The following FANCA variants were observed in gnomAD, a reference collection of about 807,000 sequenced individuals.
FANCA encodes FA complementation group A.
In FANCA, 236 loss-of-function variants were observed where a neutral mutation model predicts 194.3. The observed-to-expected ratio is 1.21, with a 90% CI of 1.09 to 1.35. The LOEUF (loss-of-function observed/expected upper bound fraction) is 1.35. Among genes scored for constraint, FANCA ranks in the 40% most tolerant of loss-of-function variants. The probability of loss-of-function intolerance (pLI) is 0.00; values close to 1 mark genes in which losing one functional copy is unlikely to be tolerated. For synonymous variants in FANCA, 1,014 were observed against 715.8 expected, an observed-to-expected ratio of 1.42 and a Z score of -6.65; for missense variants, 2,628 against 1,813.9, an observed-to-expected ratio of 1.45 and a Z score of -8.15.
intron 1 of FANCA, chr16:89,816,206 C>CGGGGACGGCTGGCG (rs1335122748): frequency 1.8e-6 from 1 of 547,892 alleles, no homozygotes; most frequent in African/African-American, 1.9e-5. Flanking sequence ...CAGGGGAGCC[C>CGGGGACGGCTGGCG]GGGGACGGCT....
At chr16:89,792,445 G>A in intron 12 of FANCA, 26 bp downstream of exon 12, 1 of 1,608,150 alleles carries the variant, frequency 6.2e-7, no homozygotes, top group Non-Finnish European at 8.5e-7. Flanking sequence ...GAGCTCAGAA[G>A]CAGGTATAAT....
In FANCA at chr16:89,810,529, T is replaced by A. The variant is rs17225824; in HGVS notation, c.522+178A>T. 16 of 621,476 alleles carry A rather than the reference T, an allele frequency of 2.6e-5. No homozygotes were observed. The African/African-American group carries it at 2.8e-4, about 11-fold the overall frequency. The allele number at this position is 621,476 out of a possible 1,614,324, so 38.5% of individuals were successfully genotyped here. A position where few individuals can be genotyped will look rare whatever the true frequency, so the allele number is the denominator to read the frequency against. On this transcript the variant is annotated intron_variant, in intron 5 of 42. Transcript: ENST00000389301. ...GGTGAATAGGGACAAAAAATGGCAA[T>A]TGAAGGTACTTCTTTCCAATCCACA...
chr16:89,757,100 C>T (rs914091636), intron 30 of FANCA, among the ~76,000 whole-genome samples: 1 of 152,114 alleles, frequency 6.6e-6, no homozygotes, highest in Non-Finnish European at 1.5e-5. Context: ...CTCAGCCTCA[C>T]GAGTAGCTGG....
At chr16:89,809,175 GGA>G (rs1189500608) in intron 5 of FANCA, among the ~76,000 whole-genome samples, 5 of 151,974 alleles carry the variant, frequency 3.3e-5, no homozygotes, top group African/African-American at 1.2e-4. Flanking sequence ...CAAAGTGCTG[GGA>G]TTACAGGTGT....
intron 30 of FANCA, 72 bp downstream of exon 30, chr16:89,758,505 G>A (rs1598091152): frequency 1.8e-5 from 28 of 1,582,812 alleles, no homozygotes; most frequent in Non-Finnish European, 2.2e-5. Flanking sequence ...AGCATGGCCA[G>A]AAACTCCCCT....
chr16:89,808,421 C>G (rs2040748016), intron 5 of FANCA, 54 bp from the exon 6 acceptor site: 1 of 1,567,826 alleles, frequency 6.4e-7, no homozygotes, highest in Non-Finnish European at 8.8e-7. Flanking sequence ...CCCCAGCATT[C>G]TGAGTCCTTT....
chr16:89,757,055 T>C (rs1262358234), intron 30 of FANCA, among the ~76,000 whole-genome samples: 3 of 152,194 alleles, frequency 2.0e-5, no homozygotes, highest in Admixed American at 6.6e-5. Flanking sequence ...CACAGCTCAT[T>C]GCAACCTCTG....
At chr16:89,779,827 C>T in intron 18 of FANCA, 42 bp downstream of exon 18, 3 of 1,553,692 alleles carry the variant, frequency 1.9e-6, no homozygotes, top group Non-Finnish European at 2.7e-6. Flanking sequence ...GCGGTCTGCA[C>T]ACACTGCAGC....
chr16:89,806,782 G>T (rs565720189), intron 6 of FANCA, among the ~76,000 whole-genome samples: 48 of 152,220 alleles, frequency 3.2e-4, no homozygotes, highest in African/African-American at 7.7e-4. Context: ...ATCTGATTTC[G>T]CAATCTTTTC....
rs755153673 is a variant in FANCA, at chr16:89,739,983, G to GT, written c.3934+10dup. The GT allele has an allele frequency of 6.2e-6, 10 of 1,613,732 alleles. No homozygotes were observed. The highest frequency in any genetic ancestry group is 8.5e-6 in the Non-Finnish European group (10 of 1,179,644). ...CCCTCCGCATTTGTGCCTCAGCAGC[G>GT]TGTTTCTTACCACTCTCTGTCAACT... On this transcript the variant is annotated intron_variant, in intron 39 of 42. Coordinates refer to ENST00000389301, the MANE Select transcript of FANCA (RefSeq NM_000135.4).
chr16:89,774,150 G>C (rs2039415814), intron 21 of FANCA, among the ~76,000 whole-genome samples: 2 of 152,130 alleles, frequency 1.3e-5, no homozygotes, highest in African/African-American at 2.4e-5. Flanking sequence ...TGCTGGAGAA[G>C]ACACAAGCAT....
At chr16:89,807,813 G>A (rs1598183152) in intron 6 of FANCA, among the ~76,000 whole-genome samples, 1 of 152,100 alleles carries the variant, frequency 6.6e-6, no homozygotes, top group South Asian at 2.1e-4. Flanking sequence ...AACCCGGGAG[G>A]TGGAGCCTGC....
At chr16:89,756,195 G>A (rs1057502672) in intron 30 of FANCA, among the ~76,000 whole-genome samples, 2 of 152,086 alleles carry the variant, frequency 1.3e-5, no homozygotes, top group African/African-American at 2.4e-5. Flanking sequence ...TTTTCAAATG[G>A]GCTAAGGATG....
rs767506133 is a variant in FANCA, at chr16:89,778,933, G to A, written c.1776+10C>T. 12 of 1,613,912 alleles carry A rather than the reference G, an allele frequency of 7.4e-6. No homozygotes were observed. The highest frequency in any genetic ancestry group is 4.5e-5 in the East Asian group (2 of 44,898). ...CAACTGGTCACAAACTCATGGAGAC[G>A]CATACTGACCACTCGAGGTGTGAGC... On this transcript the variant is annotated intron_variant, in intron 19 of 42. Coordinates refer to ENST00000389301, the MANE Select transcript of FANCA (RefSeq NM_000135.4).
At chr16:89,798,946 C>CGCA in intron 10 of FANCA, 1 of 1,609,892 alleles carries the variant, frequency 6.2e-7, no homozygotes, top group Middle Eastern at 2.0e-4. Context: ...CTGCAGTGGG[C>CGCA]GCACCTTCCG....
Position 89,740,035 on chromosome 16 carries a change from C to T in FANCA, c.3893G>A (p.Arg1298Lys). Reference sequence around the variant, plus strand: ...AAAGAGTGCCAGCCAGGATATCTTCCTCTTCTCTAAACACTCGAGGATTGC... The same window carrying T: ...AAAGAGTGCCAGCCAGGATATCTTCTTCTTCTCTAAACACTCGAGGATTGC... ...CAAILECLEK[R>K]KISWLALFQL... Residue 1298 changes from arginine (R) to lysine (K), a missense_variant, in exon 39 of 43, where the codon AGG becomes AAG. By Grantham distance (26) the Arg-to-Lys change is conservative. Coordinates refer to ENST00000389301, the MANE Select transcript of FANCA (RefSeq NM_000135.4). The T allele has an allele frequency of 1.2e-6, 2 of 1,614,212 alleles. No homozygotes were observed. The highest frequency in any genetic ancestry group is 1.6e-4 in the Middle Eastern group (1 of 6,062).
intron 10 of FANCA, 24 bp downstream of exon 10, chr16:89,799,142 G>A: frequency 1.2e-6 from 2 of 1,614,168 alleles, no homozygotes; most frequent in East Asian, 2.2e-5. Flanking sequence ...TGCACACTCA[G>A]GCAGGCCACC....
intron 8 of FANCA, 118 bp downstream of exon 8, chr16:89,803,141 G>T: frequency 1.0e-6 from 1 of 993,138 alleles, no homozygotes; most frequent in Non-Finnish European, 1.6e-6. Context: ...AGTATCACAT[G>T]TACCCCGTAA....
Position 89,742,823 on chromosome 16 carries a change from T to G in FANCA, c.3742A>C (p.Lys1248Gln). 6.2e-7 allele frequency: 1 copy of G among 1,614,184 alleles called. No individual in the cohort carries two copies. The change falls in exon 37 of 43, where the codon AAG (lysine) becomes CAG (glutamine). Residue 1248 changes from lysine (K) to glutamine (Q), a missense_variant. Transcript: ENST00000389301. ...GCCTCCTCTCTCTCGCAGTCCAGCTTCTTTAGCTGCTTCCTGATGTTTTCT... is the reference window on the plus strand; with the variant it reads ...GCCTCCTCTCTCTCGCAGTCCAGCTGCTTTAGCTGCTTCCTGATGTTTTCT... ...REENIRKQLK[K>Q]LDCEREELLV... is the part of the protein sequence containing the mutation.
Sources: gnomAD v4.1 joint callset for allele counts (sites outside exome capture counted in the v4.1 genomes callset) on GRCh38, gnomAD v4.1.1 for gene constraint, MANE v1.5 for transcripts, NCBI Gene and HGNC (gene_info 2026-07-23, HGNC 2026-07-21) for gene names.